The following SLC38A10 variants were observed in gnomAD, a reference collection of about 807,000 sequenced individuals.
SLC38A10 encodes solute carrier family 38 member 10.
Under a neutral mutation model 81.0 loss-of-function variants are expected in SLC38A10, and 53 were observed. The ratio of observed to expected loss-of-function variants is 0.65; its 90% CI spans 0.53 to 0.82. The LOEUF is 0.82. Among genes scored for constraint, SLC38A10 ranks in the 40% least tolerant of loss-of-function variants. SLC38A10 has a pLI of 0.00. For missense variants in SLC38A10, 1,471 were observed against 1,545.0 expected (o/e 0.95, Z 0.80); for synonymous variants, 665 against 655.3 (o/e 1.01, Z -0.23).
rs2062838425 is a variant in SLC38A10 at position 81,245,371 on chromosome 17, ACATTCTGG to A, written c.*177_*184del. On this transcript the variant is annotated 3_prime_UTR_variant, in exon 16 of 16. Coordinates refer to ENST00000374759, the MANE Select transcript of SLC38A10 (RefSeq NM_001037984.3). ...GAGCTGCAACAGAACGACAGCAAGAACATTCTGGAAACGATGCCACAGTGAATCTTTTA... is the reference window on the plus strand; with the variant it reads ...GAGCTGCAACAGAACGACAGCAAGAAAAACGATGCCACAGTGAATCTTTTA... 1 of 720,236 alleles carries A rather than the reference ACATTCTGG, an allele frequency of 1.4e-6. No individual in the cohort carries two copies. Among genetic ancestry groups the A allele is most frequent in the East Asian group, 3.0e-5 (1 of 33,506 alleles). The allele number at this position is 720,236 out of a possible 1,614,324, so 44.6% of individuals were successfully genotyped here. A position where few individuals can be genotyped will look rare whatever the true frequency, so the allele number is the denominator to read the frequency against.
intron 6 of SLC38A10, among the ~76,000 whole-genome samples, chr17:81,279,489 G>A (rs1306388089): frequency 6.6e-6 from 1 of 152,174 alleles, no homozygotes; most frequent in Non-Finnish European, 1.5e-5. Flanking sequence ...GCACAGGGGT[G>A]GGGAGGTCAG....
intron 1 of SLC38A10, among the ~76,000 whole-genome samples, chr17:81,293,191 T>G (rs1321051769): frequency 6.6e-6 from 1 of 152,176 alleles, no homozygotes; most frequent in Non-Finnish European, 1.5e-5. Flanking sequence ...GTCTTTGACT[T>G]GCAGGAGAAG....
rs571430663 is a variant in SLC38A10 at position 81,277,925 on chromosome 17, G to A, written c.627-792C>T. On this transcript the variant is annotated intron_variant, in intron 6 of 15. Coordinates refer to ENST00000374759, the MANE Select transcript of SLC38A10 (RefSeq NM_001037984.3). This position sits in a 1 kb window ranked among gnomAD's most constrained non-coding sequence, Gnocchi z 4.5. ...GCTGCTCTGCCATGGGGCTGAACGA[G>A]GACTCTGGAGTGGGAGTCCAGGGGG... Among the ~76,000 whole-genome samples, 96 of 152,250 alleles carry A rather than the reference G, an allele frequency of 6.3e-4. No individual in the cohort carries two copies. The highest frequency in any genetic ancestry group is 2.1e-3 in the African/African-American group (86 of 41,560).
intron 2 of SLC38A10, among the ~76,000 whole-genome samples, chr17:81,287,191 C>A (rs564516273): frequency 6.6e-6 from 1 of 152,286 alleles, no homozygotes; most frequent in African/African-American, 2.4e-5. Flanking sequence ...TGGAGGACAG[C>A]GGGGAGGGTA....
intron 12 of SLC38A10, 71 bp from the exon 13 acceptor site, chr17:81,252,754 G>T: frequency 2.0e-6 from 3 of 1,513,626 alleles, no homozygotes; most frequent in Non-Finnish European, 2.6e-6. Flanking sequence ...ATTAGAACTG[G>T]GTTCTTCCCT....
At chr17:81,258,069 G>C (rs755578737) in intron 11 of SLC38A10, among the ~76,000 whole-genome samples, 1 of 152,348 alleles carries the variant, frequency 6.6e-6, no homozygotes, top group South Asian at 2.1e-4. Flanking sequence ...CTGTGAAGCC[G>C]TGCATGGGGC....
intron 11 of SLC38A10, among the ~76,000 whole-genome samples, chr17:81,257,253 ACC>A (rs1020718029): frequency 6.6e-6 from 1 of 151,608 alleles, no homozygotes; most frequent in Non-Finnish European, 1.5e-5. Context: ...CAGCCACCAT[ACC>A]CAGCTAATTT....
chr17:81,259,221 G>A (rs975452251), intron 11 of SLC38A10, among the ~76,000 whole-genome samples: 8 of 152,206 alleles, frequency 5.3e-5, no homozygotes, highest in African/African-American at 1.9e-4. Flanking sequence ...TCCTGGAGGC[G>A]GAAGTCACTG....
At position 81,245,681 on chromosome 17, in the gene SLC38A10, C is replaced by G. The variant is rs753174303; in HGVS notation, c.3235G>C (p.Asp1079His). 16 of 1,605,290 alleles carry G rather than the reference C, an allele frequency of 1.0e-5. No individual in the cohort carries two copies. In the South Asian group the frequency reaches 1.8e-4, roughly 18 times the overall value. ...GVIIGLNPLP[D>H]VQVNDLRGAL... is the part of the protein sequence containing the mutation. ...CCACGGAGGTCGTTCACCTGGACAT[C>G]AGGCAGGGGGTTAAGGCCAATGATG... Residue 1079 changes from aspartate to histidine, a missense_variant, in exon 16 of 16, where the codon GAT becomes CAT. Asp to His is a moderately conservative substitution (Grantham distance 81). Around this residue, in one of 2 missense-constraint regions of SLC38A10, gnomAD observed 751 missense variants for 717.4 expected, o/e 1.05. Transcript: ENST00000374759.
At chr17:81,293,007 TA>T (rs2063322263) in intron 1 of SLC38A10, among the ~76,000 whole-genome samples, 1 of 151,912 alleles carries the variant, frequency 6.6e-6, no homozygotes, top group African/African-American at 2.4e-5. Flanking sequence ...AATAAATAAA[TA>T]AATAAATTAG....
chr17:81,251,582 G>T lies in SLC38A10; in HGVS notation c.1976C>A (p.Pro659Gln). Residue 659 changes from proline (P) to glutamine (Q), a missense_variant, in exon 14 of 16, where the codon CCG (proline) becomes CAG (glutamine). Coordinates refer to ENST00000374759, the MANE Select transcript of SLC38A10 (RefSeq NM_001037984.3). ...GGKPPLPAEKPAPGPGLPPEP... is the reference protein window; with the variant it reads ...GGKPPLPAEKQAPGPGLPPEP... ...GGGCGGCAGCCCAGGCCCTGGAGCC[G>T]GCTTCTCCGCTGGGAGGGGAGGCTT... The T allele has an allele frequency of 6.7e-7, 1 of 1,494,466 alleles. No homozygotes were observed. 92.6% of individuals were successfully genotyped at this position (1,494,466 alleles called of 1,614,324 possible). A position where few individuals can be genotyped will look rare whatever the true frequency, so the allele number is the denominator to read the frequency against.
chr17:81,264,124 T>TC (rs1237320820), intron 10 of SLC38A10: 1 of 152,310 alleles, frequency 6.6e-6, no homozygotes, highest in African/African-American at 2.4e-5. Flanking sequence ...GGTCAGTAGT[T>TC]CCCTCGGAAT....
intron 14 of SLC38A10, among the ~76,000 whole-genome samples, chr17:81,249,620 G>C (rs769147781): frequency 2.2e-4 from 33 of 151,662 alleles, no homozygotes; most frequent in Admixed American, 4.6e-4. Flanking sequence ...GTGAAGCACC[G>C]TGGAGGAGAC....
Position 81,265,268 on chromosome 17 carries a change from C to T in SLC38A10, c.1132-4874G>A. The T allele has an allele frequency of 6.6e-6, 1 of 152,364 alleles. No individual in the cohort carries two copies. The allele number at this position is 152,364 out of a possible 1,614,324, so 9.4% of individuals were successfully genotyped here. ...GTGTGGTGGCGCACGCCTGTAATCC[C>T]AGCTACTCGGGAGGCTGAGGCTGGA... On this transcript the variant is annotated intron_variant, in intron 10 of 15. Coordinates refer to ENST00000374759, the MANE Select transcript of SLC38A10 (RefSeq NM_001037984.3). The surrounding 1 kb of genome is among the most constrained non-coding windows in gnomAD (Gnocchi z 4.2).
chr17:81,283,314 C>A lies in SLC38A10; in HGVS notation c.357+95G>T. On this transcript the variant is annotated intron_variant, in intron 4 of 15. Coordinates refer to ENST00000374759, the MANE Select transcript of SLC38A10 (RefSeq NM_001037984.3). The surrounding 1 kb of genome is among the most constrained non-coding windows in gnomAD (Gnocchi z 4.7). ...AGGCTCGACAGAAGCTTCTCCCGAC[C>A]AGCACCCAGGTCTCGGTCCTCGGGA... 13 of 1,132,114 alleles carry A rather than the reference C, an allele frequency of 1.1e-5. No individual in the cohort carries two copies. Among genetic ancestry groups the A allele is most frequent in the Non-Finnish European group, 1.7e-5 (13 of 773,846 alleles). The allele number at this position is 1,132,114 out of a possible 1,614,324, so 70.1% of individuals were successfully genotyped here.
In SLC38A10 at chr17:81,249,262, GAGGGAGGAGGAGGA is replaced by G. The variant is rs764517629; in HGVS notation, c.2066-2215_2066-2202del. ...GAGAAGGAAGGTGGGGGAAGAGGAGGAGGGAGGAGGAGGAAGGAGGGAAGAGGAGGAAGGAGGGA... is the reference window on the plus strand; with the variant it reads ...GAGAAGGAAGGTGGGGGAAGAGGAGGAGGAGGGAAGAGGAGGAAGGAGGGA... On this transcript the variant is annotated intron_variant, in intron 14 of 15. Transcript: ENST00000374759. Among the ~76,000 whole-genome samples, 219 of 81,742 alleles carry G rather than the reference GAGGGAGGAGGAGGA, an allele frequency of 2.7e-3. 84 individuals are homozygous for G. Among genetic ancestry groups the G allele is most frequent in the African/African-American group, 5.7e-3 (91 of 16,092 alleles). 53.6% of individuals were successfully genotyped at this position (81,742 alleles called of 152,430 possible).
chr17:81,273,592 A>G (rs2146930121), intron 8 of SLC38A10, among the ~76,000 whole-genome samples: 1 of 152,284 alleles, frequency 6.6e-6, no homozygotes, highest in South Asian at 2.1e-4. Flanking sequence ...TTTACATAGG[A>G]TGGACTGTGG....
chr17:81,257,971 G>A (rs1022150996), intron 11 of SLC38A10, among the ~76,000 whole-genome samples: 1 of 152,282 alleles, frequency 6.6e-6, no homozygotes, highest in African/African-American at 2.4e-5. Flanking sequence ...GGGTGCTAGA[G>A]AGAGCAGGTA....
At chr17:81,260,204 C>T in intron 11 of SLC38A10, 34 bp downstream of exon 11, 1 of 1,572,796 alleles carries the variant, frequency 6.4e-7, no homozygotes, top group Non-Finnish European at 8.6e-7. Context: ...GGGCACTTGC[C>T]CTGAGAAGGC....
Sources: gnomAD v4.1 joint callset for allele counts (sites outside exome capture counted in the v4.1 genomes callset) on GRCh38, gnomAD v4.1.1 for gene constraint, gnomAD v4.1.1 regional missense constraint, Gnocchi (gnomAD v3.1) non-coding constraint, MANE v1.5 for transcripts, NCBI Gene and HGNC (gene_info 2026-07-23, HGNC 2026-07-21) for gene names.